The following LPAR1 variants were observed in gnomAD, a reference collection of about 807,000 sequenced individuals.
LPAR1 encodes LPA receptor 1.
LPAR1 carries 5 observed loss-of-function variants against 23.8 expected under a neutral mutation model. That is an observed-to-expected ratio of 0.21 (90% CI 0.11 to 0.44). The LOEUF is 0.44. Among genes scored for constraint, LPAR1 ranks in the 20% least tolerant of loss-of-function variants. The probability of loss-of-function intolerance (pLI) is 0.99; values close to 1 mark genes in which losing one functional copy is unlikely to be tolerated. For missense variants in LPAR1, 311 were observed against 482.8 expected (o/e 0.64, Z 3.33); for synonymous variants, 160 against 164.7 (o/e 0.97, Z 0.22).
intron 5 of LPAR1, among the ~76,000 whole-genome samples, chr9:110,905,583 G>C (rs1395974399): frequency 2.0e-5 from 3 of 151,952 alleles, no homozygotes; most frequent in African/African-American, 7.3e-5. Flanking sequence ...TCGAACTCCA[G>C]ACCTCATGAT....
chr9:110,913,261 A>C (rs1428604011), intron 5 of LPAR1, among the ~76,000 whole-genome samples: 1 of 152,216 alleles, frequency 6.6e-6, no homozygotes, highest in Non-Finnish European at 1.5e-5. Context: ...GTCTGACTCC[A>C]AAAGTGTTTT....
intron 4 of LPAR1, among the ~76,000 whole-genome samples, chr9:110,959,535 T>C (rs1227719265): frequency 6.6e-6 from 1 of 152,042 alleles, no homozygotes; most frequent in Non-Finnish European, 1.5e-5. Flanking sequence ...GGAGGATCAC[T>C]TGAGCCTGGG....
upstream of LPAR1, chr9:111,038,661 C>T (rs2097946596): frequency 2.2e-6 from 1 of 454,912 alleles, no homozygotes; most frequent in Non-Finnish European, 4.4e-6. This position sits in a 1 kb window ranked among gnomAD's most constrained non-coding sequence, Gnocchi z 4.4. Context: ...CCTGGTGTGG[C>T]GCCCCCAGCG....
intron 2 of LPAR1, among the ~76,000 whole-genome samples, chr9:111,018,790 TAATC>T (rs2097504466): frequency 1.3e-5 from 2 of 152,224 alleles, no homozygotes; most frequent in Admixed American, 6.5e-5. Flanking sequence ...ATCTCACTCT[TAATC>T]AGTCTACGGA....
Position 111,038,440 on chromosome 9 carries a change from A to G in LPAR1, c.-535T>C. 3.1e-6 allele frequency: 1 copy of G among 325,762 alleles called. No individual in the cohort carries two copies. Among genetic ancestry groups the G allele is most frequent in the Non-Finnish European group, 6.0e-6 (1 of 166,028 alleles). 20.2% of individuals were successfully genotyped at this position (325,762 alleles called of 1,614,324 possible). ...GGGGCTGGAGACGGAGTCGCCACTC[A>G]GGGAGCGTCAGCCGCCAGTCGGCCC... On this transcript the variant is annotated 5_prime_UTR_variant, in exon 1 of 6. Transcript: ENST00000683809. The surrounding 1 kb of genome is among the most constrained non-coding windows in gnomAD (Gnocchi z 4.4).
rs1564419533 is a variant in LPAR1 at position 110,903,846 on chromosome 9, G to C, written c.794-28124C>G. On this transcript the variant is annotated intron_variant, in intron 5 of 5. Coordinates refer to ENST00000683809, the MANE Select transcript of LPAR1 (RefSeq NM_001351411.2). ...GATAAACCCAAAGAAATCCATACCA[G>C]GACATTTCATAATTAAAATTTTGAT... Among the ~76,000 whole-genome samples the C allele has an allele frequency of 2.2e-5, 3 of 136,088 alleles. No individual in the cohort carries two copies. In the South Asian group the frequency reaches 7.0e-4, roughly 32 times the overall value. The allele number at this position is 136,088 out of a possible 152,430, so 89.3% of individuals were successfully genotyped here.
At chr9:110,953,498 T>A (rs928604873) in intron 4 of LPAR1, among the ~76,000 whole-genome samples, 1 of 151,966 alleles carries the variant, frequency 6.6e-6, no homozygotes, top group African/African-American at 2.4e-5. Context: ...ACCCCAACTC[T>A]ACTAAAAATA....
chr9:110,886,099 A>G (rs1302230890), intron 5 of LPAR1, among the ~76,000 whole-genome samples: 25 of 151,912 alleles, frequency 1.6e-4, no homozygotes, highest in African/African-American at 5.6e-4. Context: ...TCCGGAGTCT[A>G]CGGCAGGAGA....
intron 4 of LPAR1, among the ~76,000 whole-genome samples, chr9:110,953,586 C>A (rs997964386): frequency 1.3e-5 from 2 of 151,884 alleles, no homozygotes; most frequent in Admixed American, 6.6e-5. Context: ...TGGCTTGAAC[C>A]CAGGAGGCAG....
At chr9:110,904,387 G>A (rs1185263125) in intron 5 of LPAR1, among the ~76,000 whole-genome samples, 1 of 152,136 alleles carries the variant, frequency 6.6e-6, no homozygotes, top group Non-Finnish European at 1.5e-5. Context: ...GCCCCCATGT[G>A]TCACTCAAAG....
chr9:110,916,368 A>G (rs2093090157), intron 5 of LPAR1, among the ~76,000 whole-genome samples: 1 of 152,204 alleles, frequency 6.6e-6, no homozygotes, highest in Non-Finnish European at 1.5e-5. Context: ...CCACTATGCT[A>G]TATTGGCACA....
intron 5 of LPAR1, among the ~76,000 whole-genome samples, chr9:110,886,705 T>C (rs909015013): frequency 3.9e-5 from 6 of 152,164 alleles, no homozygotes; most frequent in Non-Finnish European, 8.8e-5. Flanking sequence ...ATTCTTCACA[T>C]AGAAAATAAC....
intron 4 of LPAR1, among the ~76,000 whole-genome samples, chr9:110,951,109 T>C (rs2095556510): frequency 6.6e-6 from 1 of 152,142 alleles, no homozygotes; most frequent in Non-Finnish European, 1.5e-5. Flanking sequence ...ATTGAGAAAA[T>C]GACGTATCTG....
At chr9:110,912,479 T>C (rs1178095705) in intron 5 of LPAR1, among the ~76,000 whole-genome samples, 1 of 152,208 alleles carries the variant, frequency 6.6e-6, no homozygotes, top group Non-Finnish European at 1.5e-5. Context: ...CTACAGAGTT[T>C]TCTCATTTTT....
chr9:110,892,978 G>A (rs2085048749), intron 5 of LPAR1, among the ~76,000 whole-genome samples: 2 of 152,310 alleles, frequency 1.3e-5, no homozygotes, highest in South Asian at 2.1e-4. Context: ...GGTTGAGTCT[G>A]TTGATCCAGG....
At chr9:110,970,458 A>C (rs772584966) in intron 4 of LPAR1, among the ~76,000 whole-genome samples, 2 of 152,198 alleles carry the variant, frequency 1.3e-5, no homozygotes, top group Non-Finnish European at 2.9e-5. Context: ...CACTTACCAG[A>C]AAGAGGAATG....
chr9:111,036,736 T>C (rs1383334979), intron 1 of LPAR1, among the ~76,000 whole-genome samples: 3 of 152,200 alleles, frequency 2.0e-5, no homozygotes, highest in Non-Finnish European at 4.4e-5. Flanking sequence ...CGTGCCTTCC[T>C]GCCTCAAGCT....
chr9:110,967,205 C>T lies in LPAR1; in HGVS notation c.45+4868G>A, dbSNP rs59906192. On this transcript the variant is annotated intron_variant, in intron 4 of 5. Transcript: ENST00000683809. ...CCAGTTTCGTCTTAGTATTCATCACCTAGCTTTGTAAGAGCTAGGTGCTCT... is the reference window on the plus strand; with the variant it reads ...CCAGTTTCGTCTTAGTATTCATCACTTAGCTTTGTAAGAGCTAGGTGCTCT... 7.1e-3 allele frequency among the ~76,000 whole-genome samples: 1,083 copies of T among 152,264 alleles called. 17 individuals carry two copies. Among genetic ancestry groups the T allele is most frequent in the African/African-American group, 0.024 (1,016 of 41,548 alleles).
intron 2 of LPAR1, among the ~76,000 whole-genome samples, chr9:110,983,777 T>C (rs974623463): frequency 6.7e-6 from 1 of 150,358 alleles, no homozygotes; most frequent in Non-Finnish European, 1.5e-5. Context: ...AAAAATCAAA[T>C]GGGGAAAATA....
Sources: gnomAD v4.1 joint callset for allele counts (sites outside exome capture counted in the v4.1 genomes callset) on GRCh38, gnomAD v4.1.1 for gene constraint, Gnocchi (gnomAD v3.1) non-coding constraint, MANE v1.5 for transcripts, NCBI Gene and HGNC (gene_info 2026-07-23, HGNC 2026-07-21) for gene names.